ZFAND3: variants seen among roughly 807,000 people sequenced by gnomAD.
The protein encoded by ZFAND3 is zinc finger AN1-type containing 3, also known as AN1-type zinc finger protein 3.
In ZFAND3, 10 loss-of-function variants were observed where a neutral mutation model predicts 29.6. The observed-to-expected ratio is 0.34, with a 90% CI of 0.21 to 0.57. The LOEUF is 0.57. Ranked by LOEUF, ZFAND3 falls within the 20% of genes least tolerant of loss-of-function variation. ZFAND3 has a pLI of 0.86. For missense variants in ZFAND3, 230 were observed against 304.5 expected, an observed-to-expected ratio of 0.76 and a Z score of 1.82; for synonymous variants, 128 against 112.6, an observed-to-expected ratio of 1.14 and a Z score of -0.87.
intron 2 of ZFAND3, among the ~76,000 whole-genome samples, chr6:37,951,511 G>T (rs1328084293): frequency 2.0e-5 from 3 of 152,210 alleles, no homozygotes; most frequent in African/African-American, 7.2e-5. Flanking sequence ...AGTGGGATCA[G>T]TTGAACCCAG....
chr6:38,003,365 C>A (rs2127440535), intron 2 of ZFAND3: 1 of 153,926 alleles, frequency 6.5e-6, no homozygotes, highest in Admixed American at 6.5e-5. Context: ...CCATAGTCAT[C>A]TGCCCCCTCT....
At chr6:37,897,018 C>A (rs980160875) in intron 1 of ZFAND3, among the ~76,000 whole-genome samples, 1 of 151,670 alleles carries the variant, frequency 6.6e-6, no homozygotes, top group Non-Finnish European at 1.5e-5. Flanking sequence ...TGATAATATC[C>A]TCTTTTTAAA....
chr6:38,081,038 C>G (rs193133539), intron 3 of ZFAND3, among the ~76,000 whole-genome samples: 2 of 152,254 alleles, frequency 1.3e-5, no homozygotes, highest in East Asian at 1.9e-4. Flanking sequence ...GATGAATGTT[C>G]TCCTTCCTCA....
intron 4 of ZFAND3, among the ~76,000 whole-genome samples, chr6:38,089,963 C>T (rs991829779): frequency 1.4e-4 from 21 of 152,184 alleles, no homozygotes; most frequent in African/African-American, 5.1e-4. Context: ...AAGCAGTTCT[C>T]CTGCCTCAGC....
chr6:37,823,521 G>A (rs772871956), intron 1 of ZFAND3, among the ~76,000 whole-genome samples: 1 of 152,106 alleles, frequency 6.6e-6, no homozygotes, highest in Non-Finnish European at 1.5e-5. Flanking sequence ...AGTGTGGCTC[G>A]GTTGAATAGG....
intron 1 of ZFAND3, among the ~76,000 whole-genome samples, chr6:37,844,969 A>G (rs1764151171): frequency 6.6e-6 from 1 of 150,946 alleles, no homozygotes; most frequent in Non-Finnish European, 1.5e-5. Context: ...GCTTGCAGTG[A>G]GCCGAGATCA....
chr6:37,968,293 AG>A (rs1446382493), intron 2 of ZFAND3, among the ~76,000 whole-genome samples: 1 of 151,900 alleles, frequency 6.6e-6, no homozygotes, highest in Non-Finnish European at 1.5e-5. Flanking sequence ...GGGGAAAAAA[AG>A]CGTTTTTATT....
chr6:38,127,514 A>G (rs1332719375), intron 5 of ZFAND3, among the ~76,000 whole-genome samples: 1 of 152,200 alleles, frequency 6.6e-6, no homozygotes, highest in Non-Finnish European at 1.5e-5. Context: ...AACCAGTATC[A>G]TAAGAGACAC....
At chr6:37,930,700 C>G (rs561531425) in intron 2 of ZFAND3, among the ~76,000 whole-genome samples, 54 of 152,220 alleles carry the variant, frequency 3.5e-4, no homozygotes, top group Non-Finnish European at 1.5e-5. Flanking sequence ...AATTATGACT[C>G]CTTCATGAAG....
chr6:38,095,123 C>T (rs1307657614), intron 4 of ZFAND3, among the ~76,000 whole-genome samples: 1 of 152,082 alleles, frequency 6.6e-6, no homozygotes, highest in Non-Finnish European at 1.5e-5. Flanking sequence ...ACTCTGTAAA[C>T]GTTCCCTGTC....
chr6:38,076,245 TTTC>T (rs1407920496), intron 3 of ZFAND3, among the ~76,000 whole-genome samples: 1 of 152,176 alleles, frequency 6.6e-6, no homozygotes, highest in Admixed American at 6.5e-5. Flanking sequence ...ATGTACATTG[TTTC>T]TTGGACATCA....
intron 3 of ZFAND3, among the ~76,000 whole-genome samples, chr6:38,079,736 G>A (rs916883653): frequency 5.3e-5 from 8 of 152,126 alleles, no homozygotes; most frequent in African/African-American, 1.7e-4. Flanking sequence ...TACCGAGTTA[G>A]GGGTAATCAG....
intron 2 of ZFAND3, among the ~76,000 whole-genome samples, chr6:38,053,242 A>AG (rs1764064221): frequency 6.6e-6 from 1 of 152,012 alleles, no homozygotes; most frequent in Non-Finnish European, 1.5e-5. Flanking sequence ...TTGTGAAGGC[A>AG]ATGAGAGACC....
At chr6:38,030,178 T>C (rs2127451270) in intron 2 of ZFAND3, among the ~76,000 whole-genome samples, 1 of 149,640 alleles carries the variant, frequency 6.7e-6, no homozygotes. Context: ...CCTTCCTTTT[T>C]TTCCTTTAAA....
At chr6:38,057,648 A>G (rs1307287448) in intron 2 of ZFAND3, among the ~76,000 whole-genome samples, 4 of 152,224 alleles carry the variant, frequency 2.6e-5, no homozygotes, top group African/African-American at 9.6e-5. Flanking sequence ...TAGCCAGGTC[A>G]GGATTTGAAT....
At chr6:38,145,943 G>T (rs1248009128) in intron 5 of ZFAND3, among the ~76,000 whole-genome samples, 1 of 152,210 alleles carries the variant, frequency 6.6e-6, no homozygotes, top group Non-Finnish European at 1.5e-5. Flanking sequence ...ATTCACATGG[G>T]ATTCTTTCAG....
chr6:37,929,726 T>A (rs1402451365), intron 1 of ZFAND3, among the ~76,000 whole-genome samples: 1 of 151,644 alleles, frequency 6.6e-6, no homozygotes, highest in Non-Finnish European at 1.5e-5. Context: ...AATTTACAGG[T>A]AAAAAATAAA....
chr6:38,059,866 A>G (rs1764200852), intron 2 of ZFAND3, among the ~76,000 whole-genome samples: 1 of 152,094 alleles, frequency 6.6e-6, no homozygotes, highest in Admixed American at 6.5e-5. Context: ...ACAGAGTGAG[A>G]CTCTGTCTCA....
At chr6:38,019,911 G>A (rs1226503804) in intron 2 of ZFAND3, among the ~76,000 whole-genome samples, 1 of 152,046 alleles carries the variant, frequency 6.6e-6, no homozygotes, top group South Asian at 2.1e-4. Flanking sequence ...TAGTAGAGAC[G>A]GTTTCAGTAT....
Sources: gnomAD v4.1 joint callset for allele counts (sites outside exome capture counted in the v4.1 genomes callset) on GRCh38, gnomAD v4.1.1 for gene constraint, MANE v1.5 for transcripts, NCBI Gene and HGNC (gene_info 2026-07-23, HGNC 2026-07-21) for gene names.